GABRB1: variants seen among roughly 807,000 people sequenced by gnomAD.
GABRB1 encodes gamma-aminobutyric acid type A receptor subunit beta1, also known as gamma-aminobutyric acid receptor subunit beta-1.
In GABRB1, 17 loss-of-function variants were observed where a neutral mutation model predicts 51.6. The observed-to-expected ratio is 0.33, with a 90% confidence interval of 0.23 to 0.49. The LOEUF (loss-of-function observed/expected upper bound fraction) is 0.49, where lower values mean the gene tolerates loss of function less well. GABRB1 is among the 20% of genes least tolerant of loss of function. The pLI, the probability that GABRB1 is intolerant of heterozygous loss-of-function variation, is 0.99. For missense variants in GABRB1, 410 were observed against 600.6 expected (o/e 0.68, Z 3.32); for synonymous variants, 247 against 218.9 (o/e 1.13, Z -1.14).
chr4:47,271,405 T>C (rs1401102271), intron 4 of GABRB1, among the ~76,000 whole-genome samples: 3 of 152,178 alleles, frequency 2.0e-5, no homozygotes, highest in Non-Finnish European at 2.9e-5. Context: ...AACAACAGTT[T>C]AATGAATACT....
chr4:47,172,281 G>T (rs1718471535), intron 4 of GABRB1, among the ~76,000 whole-genome samples: 1 of 152,118 alleles, frequency 6.6e-6, no homozygotes, highest in Non-Finnish European at 1.5e-5. Context: ...GCTTATTTTT[G>T]TATATCAATC....
At position 47,031,647 on chromosome 4, in the gene GABRB1, T is replaced by C; in HGVS notation, c.-5T>C. The C allele has an allele frequency of 4.4e-6, 7 of 1,607,338 alleles. No homozygotes were observed. Among genetic ancestry groups the C allele is most frequent in the Non-Finnish European group, 6.0e-6 (7 of 1,173,780 alleles). ...AAAAGACAATTCTTTTAATCAGAGT[T>C]AGTAATGTGGACAGTACAAAATCGA... On this transcript the variant is annotated 5_prime_UTR_variant, in exon 1 of 9. Transcript: ENST00000295454.
intron 5 of GABRB1, among the ~76,000 whole-genome samples, chr4:47,387,665 T>G (rs1727846280): frequency 6.6e-6 from 1 of 152,188 alleles, no homozygotes; most frequent in East Asian, 1.9e-4. Flanking sequence ...GTGACTAGAC[T>G]TTGCTAGCCA....
chr4:47,386,679 C>T (rs555360431), intron 5 of GABRB1, among the ~76,000 whole-genome samples: 1 of 152,244 alleles, frequency 6.6e-6, no homozygotes, highest in South Asian at 2.1e-4. Context: ...TAGTACACCA[C>T]ATGGCTATTT....
At chr4:47,071,390 T>C (rs149597907) in intron 3 of GABRB1, among the ~76,000 whole-genome samples, 57 of 152,244 alleles carry the variant, frequency 3.7e-4, no homozygotes, top group African/African-American at 1.2e-3. Flanking sequence ...AAAAGAAAAT[T>C]ACAAGCATTA....
intron 4 of GABRB1, among the ~76,000 whole-genome samples, chr4:47,218,043 A>T (rs1368511878): frequency 6.6e-6 from 1 of 151,698 alleles, no homozygotes; most frequent in Admixed American, 6.6e-5. Flanking sequence ...TACTTCCATG[A>T]CAGCAACTTT....
At chr4:47,297,804 A>G (rs1187488181) in intron 4 of GABRB1, among the ~76,000 whole-genome samples, 1 of 152,200 alleles carries the variant, frequency 6.6e-6, no homozygotes, top group African/African-American at 2.4e-5. Context: ...AGACACAACC[A>G]AAAAAGAGAA....
intron 8 of GABRB1, among the ~76,000 whole-genome samples, chr4:47,408,851 G>A (rs911671563): frequency 3.3e-5 from 5 of 152,112 alleles, no homozygotes; most frequent in Non-Finnish European, 2.9e-5. Context: ...GATAAGTCAC[G>A]AGGGAAAACC....
chr4:47,183,345 CATAT>C (rs57840134), intron 4 of GABRB1, among the ~76,000 whole-genome samples: 21,155 of 124,060 alleles, frequency 0.17, 1,711 homozygotes, highest in South Asian at 0.24. Context: ...TGTGTGTGTG[CATAT>C]ATATATATAT....
At chr4:47,157,209 A>G (rs543340108) in intron 3 of GABRB1, among the ~76,000 whole-genome samples, 1 of 152,228 alleles carries the variant, frequency 6.6e-6, no homozygotes, top group Admixed American at 6.6e-5. Flanking sequence ...TAGCTTGCAC[A>G]CTTGAGAAAG....
At chr4:47,297,687 G>A (rs1451419747) in intron 4 of GABRB1, among the ~76,000 whole-genome samples, 1 of 152,138 alleles carries the variant, frequency 6.6e-6, no homozygotes, top group Non-Finnish European at 1.5e-5. Context: ...GTACAAGGAG[G>A]AACTGGTACC....
chr4:47,055,464 G>A (rs148680879), intron 3 of GABRB1, among the ~76,000 whole-genome samples: 113 of 152,252 alleles, frequency 7.4e-4, no homozygotes, highest in East Asian at 4.6e-3. Context: ...AGTGGTAACC[G>A]AGCGGACACC....
At chr4:47,280,795 G>T (rs1349516380) in intron 4 of GABRB1, among the ~76,000 whole-genome samples, 1 of 148,248 alleles carries the variant, frequency 6.7e-6, no homozygotes, top group Non-Finnish European at 1.5e-5. Context: ...CTACAGGTGT[G>T]TGCCACCATG....
At chr4:47,406,574 A>G in intron 7 of GABRB1, 108 bp from the exon 8 acceptor site, 1 of 1,348,384 alleles carries the variant, frequency 7.4e-7, no homozygotes. Context: ...TACTGTGATC[A>G]CTCAGGGGCA....
At chr4:47,060,150 T>C (rs1156970658) in intron 3 of GABRB1, among the ~76,000 whole-genome samples, 1 of 152,186 alleles carries the variant, frequency 6.6e-6, no homozygotes, top group African/African-American at 2.4e-5. Context: ...ATGAATTTTA[T>C]TTGCCAGAAA....
At chr4:47,001,424 G>A (rs1724212398) in intron 1 of GABRB1, among the ~76,000 whole-genome samples, 1 of 152,216 alleles carries the variant, frequency 6.6e-6, no homozygotes, top group Non-Finnish European at 1.5e-5. Flanking sequence ...TTACAGGTGT[G>A]AGCCACCATG....
At chr4:47,079,233 A>G (rs1047834738) in intron 3 of GABRB1, among the ~76,000 whole-genome samples, 1 of 151,644 alleles carries the variant, frequency 6.6e-6, no homozygotes, top group Non-Finnish European at 1.5e-5. Context: ...ATGTGAATCC[A>G]TCTGGTCCTG....
chr4:47,183,118 C>T (rs10938476), intron 4 of GABRB1, among the ~76,000 whole-genome samples: 125,346 of 151,324 alleles, frequency 0.83, 51,981 homozygotes, highest in Middle Eastern at 0.91. Context: ...TAGGGTGTTT[C>T]GTTTAAGGAG....
chr4:47,207,203 A>G (rs1393620788), intron 4 of GABRB1, among the ~76,000 whole-genome samples: 2 of 152,008 alleles, frequency 1.3e-5, no homozygotes, highest in African/African-American at 4.8e-5. Context: ...TAGCTCATTT[A>G]TCTCCATAGT....
Sources: allele counts gnomAD v4.1 joint callset (sites outside exome capture counted in the v4.1 genomes callset), GRCh38; gene constraint gnomAD v4.1.1; transcripts MANE v1.5; gene names NCBI Gene and HGNC (gene_info 2026-07-23, HGNC 2026-07-21).